SLC26A4: variants seen among roughly 807,000 people sequenced by gnomAD.
The protein encoded by SLC26A4 is solute carrier family 26 member 4.
Under a neutral mutation model 90.4 loss-of-function variants are expected in SLC26A4, and 93 were observed. That is an observed-to-expected ratio of 1.03 (90% CI 0.87 to 1.22). SLC26A4 has a LOEUF of 1.22. SLC26A4 is among the 50% of genes most tolerant of loss of function. The pLI, the probability that SLC26A4 is intolerant of heterozygous loss-of-function variation, is 0.00. For missense variants in SLC26A4, 1,127 were observed against 946.2 expected, an observed-to-expected ratio of 1.19 and a Z score of -2.51; for synonymous variants, 393 against 354.6, an observed-to-expected ratio of 1.11 and a Z score of -1.22.
intron 18 of SLC26A4, among the ~76,000 whole-genome samples, chr7:107,709,544 C>T (rs1239371033): frequency 6.6e-6 from 1 of 152,112 alleles, no homozygotes; most frequent in East Asian, 1.9e-4. Flanking sequence ...ATTACAGACC[C>T]AGTCCTCTTT....
rs997237523 is a variant in SLC26A4 at position 107,716,429 on chromosome 7, A to G, written c.*983A>G. The G allele has an allele frequency of 2.0e-5, 3 of 151,398 alleles. No individual in the cohort carries two copies. The highest frequency in any genetic ancestry group is 4.4e-5 in the Non-Finnish European group (3 of 67,848). 9.4% of individuals were successfully genotyped at this position (151,398 alleles called of 1,614,324 possible). A position where few individuals can be genotyped will look rare whatever the true frequency, so the allele number is the denominator to read the frequency against. On this transcript the variant is annotated 3_prime_UTR_variant, in exon 21 of 21. Transcript: ENST00000644269. Reference sequence around the variant, plus strand: ...ATCTTTAACTGAACTCTGACCACTTAAAAAAAAATCTAAAAATTGAACTAC... The same window carrying G: ...ATCTTTAACTGAACTCTGACCACTTGAAAAAAAATCTAAAAATTGAACTAC...
chr7:107,673,790 G>T (rs1790938072), intron 4 of SLC26A4, among the ~76,000 whole-genome samples: 1 of 152,064 alleles, frequency 6.6e-6, no homozygotes, highest in Admixed American at 6.6e-5. Flanking sequence ...GTGCGGTGGC[G>T]TGATCTCAGC....
At chr7:107,696,196 A>G (rs559880858) in intron 13 of SLC26A4, among the ~76,000 whole-genome samples, 157 bp downstream of exon 13, 2 of 152,342 alleles carry the variant, frequency 1.3e-5, no homozygotes, top group South Asian at 4.1e-4. Flanking sequence ...TTACAGACAT[A>G]CTTAATCTTC....
At position 107,717,406 on chromosome 7, in the gene SLC26A4, T is replaced by A. The variant is rs886061893; in HGVS notation, c.*1960T>A. ...AAAAAAAAAAGAGTGAATGTAATAG[T>A]CTTGCAGAAAATGAATGAATACCTT... On this transcript the variant is annotated 3_prime_UTR_variant, in exon 21 of 21. Transcript: ENST00000644269. 1 of 150,754 alleles carries A rather than the reference T, an allele frequency of 6.6e-6. No homozygotes were observed. Among genetic ancestry groups the A allele is most frequent in the Admixed American group, 6.6e-5 (1 of 15,156 alleles). 9.3% of individuals were successfully genotyped at this position (150,754 alleles called of 1,614,324 possible).
Position 107,683,192 on chromosome 7 carries a change from C to A in SLC26A4, c.766-10C>A. On this transcript the variant is annotated splice_polypyrimidine_tract_variant and intron_variant, in intron 6 of 20. Coordinates refer to ENST00000644269, the MANE Select transcript of SLC26A4 (RefSeq NM_000441.2). ...AGCAGGAAGTATATAAAATTATTTTCTTTTTATAGACGCTGGTTGAGATTT... is the reference window on the plus strand; with the variant it reads ...AGCAGGAAGTATATAAAATTATTTTATTTTTATAGACGCTGGTTGAGATTT... The A allele has an allele frequency of 6.2e-7, 1 of 1,606,266 alleles. No homozygotes were observed. Among genetic ancestry groups the A allele is most frequent in the Non-Finnish European group, 8.5e-7 (1 of 1,175,118 alleles).
intron 17 of SLC26A4, among the ~76,000 whole-genome samples, chr7:107,702,385 GGT>G (rs1246440537): frequency 2.6e-5 from 4 of 152,114 alleles, no homozygotes; most frequent in African/African-American, 9.7e-5. Context: ...ATAGATATAA[GGT>G]GTTTAGAAGA....
At position 107,683,324 on chromosome 7, in the gene SLC26A4, C is replaced by T. The variant is rs765095794; in HGVS notation, c.888C>T (p.Ile296=). Residue 296 remains isoleucine (I), a synonymous_variant, in exon 7 of 21, where the codon ATC becomes ATT. Transcript: ENST00000644269. Reference sequence around the variant, plus strand: ...TAAATGATCGGTTTAGACACAAAATCCCAGTCCCTATTCCTATAGAAGTAA... The same window carrying T: ...TAAATGATCGGTTTAGACACAAAATTCCAGTCCCTATTCCTATAGAAGTAA... ...KELNDRFRHK[I]PVPIPIEVIV... The T allele has an allele frequency of 2.5e-6, 4 of 1,613,586 alleles. No individual in the cohort carries two copies. The highest frequency in any genetic ancestry group is 3.4e-6 in the Non-Finnish European group (4 of 1,179,782).
intron 17 of SLC26A4, 108 bp downstream of exon 17, chr7:107,702,165 C>T (rs1791912869): frequency 1.3e-6 from 1 of 761,648 alleles, no homozygotes; most frequent in Non-Finnish European, 2.3e-6. Context: ...TGTAATTTTT[C>T]TAGGTGAATG....
At position 107,661,394 on chromosome 7, in the gene SLC26A4, C is replaced by T; in HGVS notation, c.-3-245C>T. ...GCTTACTCGCTTCAAGTTTGGGGAACCCCGGGCAGCGGGTGCAGGCCACGA... is the reference window on the plus strand; with the variant it reads ...GCTTACTCGCTTCAAGTTTGGGGAATCCCGGGCAGCGGGTGCAGGCCACGA... On this transcript the variant is annotated intron_variant, in intron 1 of 20. Coordinates refer to ENST00000644269, the MANE Select transcript of SLC26A4 (RefSeq NM_000441.2). The surrounding 1 kb of genome is among the most constrained non-coding windows in gnomAD (Gnocchi z 5.1). The T allele has an allele frequency of 3.4e-6, 2 of 589,258 alleles. No individual in the cohort carries two copies. The highest frequency in any genetic ancestry group is 6.1e-6 in the Non-Finnish European group (2 of 329,722). The allele number at this position is 589,258 out of a possible 1,614,324, so 36.5% of individuals were successfully genotyped here. A position where few individuals can be genotyped will look rare whatever the true frequency, so the allele number is the denominator to read the frequency against.
intron 6 of SLC26A4, among the ~76,000 whole-genome samples, chr7:107,682,132 T>TAAAAAAAA (rs1562828616): frequency 3.7e-5 from 4 of 107,348 alleles, no homozygotes; most frequent in South Asian, 2.9e-4. Context: ...AAAAAAAAAT[T>TAAAAAAAA]TTTTTTATGT....
chr7:107,702,399 T>C (rs1584337708), intron 17 of SLC26A4, among the ~76,000 whole-genome samples: 1 of 152,008 alleles, frequency 6.6e-6, no homozygotes, highest in East Asian at 1.9e-4. Context: ...TTTAGAAGAG[T>C]GTCTGGTTCA....
At chr7:107,709,071 A>T (rs1244093409) in intron 18 of SLC26A4, among the ~76,000 whole-genome samples, 1 of 152,182 alleles carries the variant, frequency 6.6e-6, no homozygotes, top group Non-Finnish European at 1.5e-5. Context: ...GGGGAGCAGG[A>T]TAGGGAAGGG....
At chr7:107,689,848 CA>C (rs1413587271) in intron 9 of SLC26A4, among the ~76,000 whole-genome samples, 1 of 152,184 alleles carries the variant, frequency 6.6e-6, no homozygotes, top group Non-Finnish European at 1.5e-5. Context: ...ACATTCCATT[CA>C]CTAGGCAGTG....
chr7:107,674,869 T>A (rs1000527330), intron 5 of SLC26A4, 76 bp from the exon 6 acceptor site: 2 of 1,399,552 alleles, frequency 1.4e-6, no homozygotes, highest in African/African-American at 2.8e-5. Context: ...GGTATTAAGC[T>A]TGATGTAATA....
intron 3 of SLC26A4, among the ~76,000 whole-genome samples, chr7:107,670,441 G>A (rs916885410): frequency 6.6e-6 from 1 of 151,954 alleles, no homozygotes; most frequent in Non-Finnish European, 1.5e-5. Context: ...ACTCCCACAG[G>A]CTGGAGTGGG....
intron 3 of SLC26A4, among the ~76,000 whole-genome samples, chr7:107,667,752 G>A (rs1326168289): frequency 6.6e-6 from 1 of 152,142 alleles, no homozygotes; most frequent in East Asian, 1.9e-4. Flanking sequence ...GGCAAACGTG[G>A]AGGGGTTTGA....
chr7:107,705,090 A>G (rs558929445), intron 18 of SLC26A4, among the ~76,000 whole-genome samples: 16 of 152,318 alleles, frequency 1.1e-4, no homozygotes, highest in African/African-American at 3.6e-4. Context: ...TGGCTACTAA[A>G]AGCTGCAAAG....
intron 3 of SLC26A4, among the ~76,000 whole-genome samples, chr7:107,671,893 A>G (rs1790877349): frequency 6.6e-6 from 1 of 152,260 alleles, no homozygotes; most frequent in African/African-American, 2.4e-5. Flanking sequence ...CAGTTGGGCA[A>G]AATAATCTAA....
At chr7:107,672,102 G>A in intron 3 of SLC26A4, 36 bp from the exon 4 acceptor site, 1 of 1,303,276 alleles carries the variant, frequency 7.7e-7, no homozygotes, top group Admixed American at 1.7e-5. Flanking sequence ...CTGTAACTTT[G>A]GTTTGTGAAT....
Sources: gnomAD v4.1 joint callset for allele counts (sites outside exome capture counted in the v4.1 genomes callset) on GRCh38, gnomAD v4.1.1 for gene constraint, Gnocchi (gnomAD v3.1) non-coding constraint, MANE v1.5 for transcripts, NCBI Gene and HGNC (gene_info 2026-07-23, HGNC 2026-07-21) for gene names.